The following TCOF1 variants were observed in gnomAD, a reference collection of about 807,000 sequenced individuals.
TCOF1 encodes treacle protein.
TCOF1 carries 33 observed loss-of-function variants against 149.0 expected under a neutral mutation model. That is an observed-to-expected ratio of 0.22 (90% CI 0.17 to 0.30). The LOEUF (loss-of-function observed/expected upper bound fraction) is 0.30, where lower values mean the gene tolerates loss of function less well. TCOF1 is among the 10% of genes least tolerant of loss of function. The pLI, the probability that TCOF1 is intolerant of heterozygous loss-of-function variation, is 1.00. For missense variants in TCOF1, 1,728 were observed against 1,840.7 expected, an observed-to-expected ratio of 0.94 and a Z score of 1.12; for synonymous variants, 789 against 738.8, an observed-to-expected ratio of 1.07 and a Z score of -1.10.
chr5:150,379,215 C>A lies in TCOF1; in HGVS notation c.2479-14C>A. The A allele has an allele frequency of 1.2e-6, 2 of 1,614,192 alleles. No individual in the cohort carries two copies. The highest frequency in any genetic ancestry group is 1.1e-5 in the South Asian group (1 of 91,076). ...CACTTTTGCCTCCAATACTATTATC[C>A]CCCTGCAATTCAGGTGAAGCCACCA... On this transcript the variant is annotated splice_polypyrimidine_tract_variant and intron_variant, in intron 15 of 26. Transcript: ENST00000643257.
rs1490402564 is a variant in TCOF1 at position 150,372,249 on chromosome 5, G to T, written c.870+13G>T. 12 of 1,599,852 alleles carry T rather than the reference G, an allele frequency of 7.5e-6. No homozygotes were observed. Among genetic ancestry groups the T allele is most frequent in the Non-Finnish European group, 7.7e-6 (9 of 1,173,624 alleles). On this transcript the variant is annotated intron_variant, in intron 7 of 26. Transcript: ENST00000643257. ...GACACGAAGCCAGGTGAGGCCTGGA[G>T]GAGGGCTGCCCCTTGGAGGACCTGC...
chr5:150,383,802 A>G (rs1765727702), intron 17 of TCOF1: 1 of 1,551,626 alleles, frequency 6.4e-7, no homozygotes. Context: ...CCTGTGGCAT[A>G]CCTTCATGTG....
chr5:150,397,868 C>T (rs1768898500), intron 24 of TCOF1, among the ~76,000 whole-genome samples: 1 of 152,186 alleles, frequency 6.6e-6, no homozygotes, highest in African/African-American at 2.4e-5. Flanking sequence ...CATGAGCTGG[C>T]CTCCAGGGGG....
chr5:150,368,041 C>A, intron 4 of TCOF1, 124 bp downstream of exon 4: 2 of 1,033,936 alleles, frequency 1.9e-6, no homozygotes, highest in Non-Finnish European at 2.9e-6. Flanking sequence ...AGAGCTCAAC[C>A]TGTGTCACCA....
At chr5:150,383,177 G>C (rs946934685) in intron 17 of TCOF1, 1 of 1,534,272 alleles carries the variant, frequency 6.5e-7, no homozygotes, top group Non-Finnish European at 8.7e-7. Flanking sequence ...ACCCAGGTGC[G>C]CCATGCCTTC....
intron 21 of TCOF1, 137 bp from the exon 22 acceptor site, chr5:150,392,568 G>GCTTCACTTGT: frequency 1.2e-6 from 1 of 802,494 alleles, no homozygotes; most frequent in African/African-American, 1.7e-5. Flanking sequence ...TGAAGCAGTA[G>GCTTCACTTGT]GAAGACTTGT....
chr5:150,374,932 C>G (rs1430325283), intron 9 of TCOF1, 22 bp from the exon 10 acceptor site: 9 of 1,613,548 alleles, frequency 5.6e-6, no homozygotes, highest in African/African-American at 2.7e-5. Flanking sequence ...GGGCTCTCCC[C>G]TCATCCTGTT....
Position 150,375,420 on chromosome 5 carries a change from G to A in TCOF1, c.1570G>A (p.Val524Met). ...MGPLGKGAGPVPPGKVGPATP... is the reference protein window; with the variant it reads ...MGPLGKGAGPMPPGKVGPATP... Reference sequence around the variant, plus strand: ...GCCCTTGGGGAAAGGCGCCGGCCCAGTGCCACCCGGGAAGGTGGGGCCTGC... The same window carrying A: ...GCCCTTGGGGAAAGGCGCCGGCCCAATGCCACCCGGGAAGGTGGGGCCTGC... Residue 524 changes from valine (V) to methionine (M), a missense_variant, in exon 11 of 27, where the codon GTG becomes ATG. Around this residue, in one of 2 missense-constraint regions of TCOF1, gnomAD observed 1,696 missense variants for 1,765.4 expected, o/e 0.96. Coordinates refer to ENST00000643257, the MANE Select transcript of TCOF1 (RefSeq NM_001371623.1). 6.2e-7 allele frequency: 1 copy of A among 1,613,534 alleles called. No individual in the cohort carries two copies. The highest frequency in any genetic ancestry group is 8.5e-7 in the Non-Finnish European group (1 of 1,179,864).
chr5:150,361,139 T>C lies in TCOF1; in HGVS notation c.109-17T>C, dbSNP rs1562275816. 1.9e-6 allele frequency: 3 copies of C among 1,614,028 alleles called. No individual in the cohort carries two copies. The African/African-American group carries it at 4.0e-5, about 22-fold the overall frequency. On this transcript the variant is annotated splice_polypyrimidine_tract_variant and intron_variant, in intron 1 of 26. Transcript: ENST00000643257. ...GTGCTGGGGATTAATTGTGGCTTTC[T>C]CTTTACCTCTCTGCAGAAGTGTTTC...
intron 5 of TCOF1, 22 bp from the exon 6 acceptor site, chr5:150,369,507 C>T: frequency 1.2e-6 from 2 of 1,613,868 alleles, no homozygotes; most frequent in Non-Finnish European, 1.7e-6. Context: ...GTCCCTCAGT[C>T]CCCTCCGTGT....
Position 150,376,588 on chromosome 5 carries a change from G to T in TCOF1, c.2308G>T (p.Asp770Tyr). 1 of 1,582,024 alleles carries T rather than the reference G, an allele frequency of 6.3e-7. No homozygotes were observed. The highest frequency in any genetic ancestry group is 8.6e-7 in the Non-Finnish European group (1 of 1,163,922). Residue 770 changes from aspartate to tyrosine, a missense_variant, in exon 14 of 27, where the codon GAC becomes TAC. Asp to Tyr is a radical substitution (Grantham distance 160). Transcript: ENST00000643257. Reference protein sequence around the residue: ...EDSESSEEESDSEEAAASPAQ... With the variant: ...EDSESSEEESYSEEAAASPAQ... Reference sequence around the variant, plus strand: ...CTCTGAGAGCAGTGAGGAGGAATCAGACAGTGAGGAAGCAGCTGCATCTCC... The same window carrying T: ...CTCTGAGAGCAGTGAGGAGGAATCATACAGTGAGGAAGCAGCTGCATCTCC...
chr5:150,375,511 A>G lies in TCOF1; in HGVS notation c.1661A>G (p.Asp554Gly). Residue 554 changes from aspartate to glycine, a missense_variant, in exon 11 of 27, where the codon GAC becomes GGC. By Grantham distance (94) the Asp-to-Gly change is moderately conservative. Coordinates refer to ENST00000643257, the MANE Select transcript of TCOF1 (RefSeq NM_001371623.1). ...DSESSSEESS[D>G]SSDGEVPTAV... is the part of the protein sequence containing the mutation. ...GAGAGCAGTAGTGAGGAGTCATCAG[A>G]CAGCAGTGATGGAGAGGTGCCCACA... The G allele has an allele frequency of 6.2e-7, 1 of 1,614,102 alleles. No homozygotes were observed. Among genetic ancestry groups the G allele is most frequent in the Non-Finnish European group, 8.5e-7 (1 of 1,179,996 alleles).
Position 150,357,951 on chromosome 5 carries a change from C to A in TCOF1, c.108+97C>A, listed in dbSNP as rs2150348226. ...CGTCCCCAGGCGACCCGGCAGGCGC[C>A]CGGAGCCGGGTCCCGCAGTGCTCGA... On this transcript the variant is annotated intron_variant, in intron 1 of 26. Transcript: ENST00000643257. The A allele has an allele frequency of 2.2e-6, 3 of 1,347,008 alleles. No individual in the cohort carries two copies. The East Asian group carries it at 7.7e-5, about 35-fold the overall frequency. The allele number at this position is 1,347,008 out of a possible 1,614,324, so 83.4% of individuals were successfully genotyped here. A position where few individuals can be genotyped will look rare whatever the true frequency, so the allele number is the denominator to read the frequency against.
intron 14 of TCOF1, 146 bp from the exon 15 acceptor site, chr5:150,378,759 A>G: frequency 1.8e-6 from 2 of 1,119,188 alleles, no homozygotes; most frequent in Non-Finnish European, 2.7e-6. Context: ...GCCCAGTGAG[A>G]TCAAGTGATG....
Position 150,398,947 on chromosome 5 carries a change from C to T in TCOF1, c.4444-75C>T, listed in dbSNP as rs371336744. On this transcript the variant is annotated intron_variant, in intron 25 of 26. Transcript: ENST00000643257. The stretch of plus-strand genomic sequence containing the variant: ...ATCTATTCTAGGGGAATTCACTAGT[C>T]CTCAGGAGGTGGGGGCAGCAGTGGG... The T allele has an allele frequency of 3.1e-6, 5 of 1,607,166 alleles. No homozygotes were observed. The South Asian group carries it at 4.4e-5, about 14-fold the overall frequency.
rs1170703230 is a variant in TCOF1, at chr5:150,374,300, G to A, written c.997G>A (p.Gly333Arg). ...GGCTGTAGCCTCCCAGACCAAGGCA[G>A]GGAAGCCAGAGGAGGACTCAGAGAG... Reference protein sequence around the residue: ...AGAVASQTKAGKPEEDSESSS... With the variant: ...AGAVASQTKARKPEEDSESSS... Residue 333 changes from glycine (G) to arginine (R), a missense_variant, in exon 8 of 27, where the codon GGG (glycine) becomes AGG (arginine). By Grantham distance (125) the Gly-to-Arg change is moderately radical. This residue lies in a region of TCOF1 where 1,696 missense variants were observed against 1,765.4 expected (regional missense o/e 0.96). Transcript: ENST00000643257. The A allele has an allele frequency of 6.3e-7, 1 of 1,590,282 alleles. No homozygotes were observed. The highest frequency in any genetic ancestry group is 1.8e-5 in the Admixed American group (1 of 56,516).
chr5:150,372,810 A>G (rs1762841595), intron 7 of TCOF1, among the ~76,000 whole-genome samples: 1 of 152,220 alleles, frequency 6.6e-6, no homozygotes, highest in Admixed American at 6.5e-5. Context: ...AGTGGGGGAC[A>G]TAGGAATGGC....
chr5:150,387,052 T>TC (rs1421197292), intron 17 of TCOF1, among the ~76,000 whole-genome samples: 1 of 152,302 alleles, frequency 6.6e-6, no homozygotes, highest in Non-Finnish European at 1.5e-5. Flanking sequence ...TCCACTCAGT[T>TC]CCCCAACGCC....
At position 150,375,035 on chromosome 5, in the gene TCOF1, G is replaced by A; in HGVS notation, c.1360G>A (p.Ala454Thr). 6.2e-7 allele frequency: 1 copy of A among 1,613,962 alleles called. No homozygotes were observed. The highest frequency in any genetic ancestry group is 8.5e-7 in the Non-Finnish European group (1 of 1,179,954). Reference protein sequence around the residue: ...KESPRKGAAPAPPRKTGPAAA... With the variant: ...KESPRKGAAPTPPRKTGPAAA... ...GTCCCCCAGGAAAGGGGCTGCCCCA[G>A]CACCTCCTAGGAAAACAGGGCCTGC... The change falls in exon 10 of 27, where the codon GCA (alanine) becomes ACA (threonine). Residue 454 changes from alanine (A) to threonine (T), a missense_variant. Physicochemically the swap from Ala to Thr is moderately conservative, Grantham distance 58. Around this residue, in one of 2 missense-constraint regions of TCOF1, gnomAD observed 1,696 missense variants for 1,765.4 expected, o/e 0.96. Coordinates refer to ENST00000643257, the MANE Select transcript of TCOF1 (RefSeq NM_001371623.1).
Sources: allele counts gnomAD v4.1 joint callset (sites outside exome capture counted in the v4.1 genomes callset), GRCh38; gene constraint gnomAD v4.1.1; regional missense constraint gnomAD v4.1.1; transcripts MANE v1.5; gene names NCBI Gene and HGNC (gene_info 2026-07-23, HGNC 2026-07-21).